Variants in IL2RA observed in about 807,000 individuals in gnomAD.
IL2RA encodes interleukin-2 receptor subunit alpha.
In IL2RA, 24 loss-of-function variants were observed where a neutral mutation model predicts 37.8. That is an observed-to-expected ratio of 0.63 (90% CI 0.46 to 0.89). The LOEUF (loss-of-function observed/expected upper bound fraction) is 0.89. IL2RA is among the 40% of genes least tolerant of loss of function. The probability of loss-of-function intolerance (pLI) is 0.00; values close to 1 mark genes in which losing one functional copy is unlikely to be tolerated. For synonymous variants in IL2RA, 125 were observed against 114.6 expected, an observed-to-expected ratio of 1.09 and a Z score of -0.58; for missense variants, 319 against 348.6, an observed-to-expected ratio of 0.92 and a Z score of 0.68.
chr10:6,052,673 T>C (rs994582473), intron 1 of IL2RA, among the ~76,000 whole-genome samples: 7 of 152,056 alleles, frequency 4.6e-5, no homozygotes, highest in African/African-American at 1.7e-4. Context: ...CACACACCTA[T>C]CCTAGCCTTT....
chr10:6,027,178 T>C (rs556934454), intron 1 of IL2RA, among the ~76,000 whole-genome samples: 16 of 152,142 alleles, frequency 1.1e-4, no homozygotes, highest in Admixed American at 4.6e-4. Context: ...ACAAAAAAAT[T>C]AGCCGGGCGT....
chr10:6,031,484 A>ATATATATATG (rs1554830121), intron 1 of IL2RA, among the ~76,000 whole-genome samples: 1 of 37,002 alleles, frequency 2.7e-5, no homozygotes, highest in African/African-American at 1.2e-4. Context: ...ATATATATAT[A>ATATATATATG]TATATATATG....
chr10:6,040,736 G>A (rs949915457), intron 1 of IL2RA, among the ~76,000 whole-genome samples: 2 of 151,982 alleles, frequency 1.3e-5, no homozygotes, highest in South Asian at 2.1e-4. Context: ...AAGAACCCTC[G>A]TTATTAGTGA....
rs373292483 is a variant in IL2RA at position 6,024,241 on chromosome 10, C to T, written c.367+3G>A. ...TTAGCTGGAGGACAGATTCATCTCT[C>T]ACCTGGAAGGCTCGCTTGGTCCACT... On this transcript the variant is annotated splice_donor_region_variant and intron_variant, in intron 3 of 7. Coordinates refer to ENST00000379959, the MANE Select transcript of IL2RA (RefSeq NM_000417.3). 12 of 1,599,856 alleles carry T rather than the reference C, an allele frequency of 7.5e-6. No individual in the cohort carries two copies. The African/African-American group carries it at 1.5e-4, about 20-fold the overall frequency.
At position 6,057,252 on chromosome 10, in the gene IL2RA, A is replaced by G. The variant is rs1027355179; in HGVS notation, c.64+4836T>C. ...TTGAGTGAGTGGAGTTTTTGCGTTG[A>G]CACCTGCAACTGCAGCAATTACAGA... is the stretch of plus-strand genomic sequence containing the variant. On this transcript the variant is annotated intron_variant, in intron 1 of 7. Coordinates refer to ENST00000379959, the MANE Select transcript of IL2RA (RefSeq NM_000417.3). This position sits in a 1 kb window ranked among gnomAD's most constrained non-coding sequence, Gnocchi z 4.8. 3.9e-5 allele frequency among the ~76,000 whole-genome samples: 6 copies of G among 152,326 alleles called. No homozygotes were observed. Among genetic ancestry groups the G allele is most frequent in the Non-Finnish European group, 7.4e-5 (5 of 68,020 alleles).
At chr10:6,061,827 A>G (rs971689958) in intron 1 of IL2RA, among the ~76,000 whole-genome samples, 1 of 152,216 alleles carries the variant, frequency 6.6e-6, no homozygotes, top group African/African-American at 2.4e-5. Flanking sequence ...CCCAAATATC[A>G]TGCCACACTA....
intron 1 of IL2RA, among the ~76,000 whole-genome samples, chr10:6,042,148 C>CAAGAAAAAAAAAAAAAAAAAAAAAAAAAA (rs1839781654): frequency 1.8e-5 from 1 of 54,132 alleles, no homozygotes; most frequent in Non-Finnish European, 3.1e-5. Context: ...ATGTATTAAG[C>CAAGAAAAAAAAAAAAAAAAAAAAAAAAAA]AAAAAAAAAA....
rs189997459 is a variant in IL2RA, at chr10:6,036,105, G to A, written c.65-10080C>T. 6.6e-6 allele frequency: 1 copy of A among 152,366 alleles called. No individual in the cohort carries two copies. Among genetic ancestry groups the A allele is most frequent in the Admixed American group, 6.5e-5 (1 of 15,310 alleles). 9.4% of individuals were successfully genotyped at this position (152,366 alleles called of 1,614,324 possible). On this transcript the variant is annotated intron_variant, in intron 1 of 7. Transcript: ENST00000379959. This position sits in a 1 kb window ranked among gnomAD's most constrained non-coding sequence, Gnocchi z 6.1. Reference sequence around the variant, plus strand: ...GTGCAGGTGAAGGGCCCTCGACAATGCTTCTCTTTGCATTGTGGGGTTTCC... The same window carrying A: ...GTGCAGGTGAAGGGCCCTCGACAATACTTCTCTTTGCATTGTGGGGTTTCC...
Position 6,054,399 on chromosome 10 carries a change from C to T in IL2RA, c.64+7689G>A, listed in dbSNP as rs1296188975. Among the ~76,000 whole-genome samples the T allele has an allele frequency of 3.3e-5, 5 of 152,108 alleles. No individual in the cohort carries two copies. Among genetic ancestry groups the T allele is most frequent in the African/African-American group, 4.8e-5 (2 of 41,406 alleles). On this transcript the variant is annotated intron_variant, in intron 1 of 7. Coordinates refer to ENST00000379959, the MANE Select transcript of IL2RA (RefSeq NM_000417.3). This position sits in a 1 kb window ranked among gnomAD's most constrained non-coding sequence, Gnocchi z 4.5. The stretch of plus-strand genomic sequence containing the variant: ...ATAAGTGATCAGTGACCCATTGAAC[C>T]GAGGACGTCTACCGGGGACCAATGA...
At position 6,062,249 on chromosome 10, in the gene IL2RA, G is replaced by T; in HGVS notation, c.-98C>A. On this transcript the variant is annotated 5_prime_UTR_variant, in exon 1 of 8. Coordinates refer to ENST00000379959, the MANE Select transcript of IL2RA (RefSeq NM_000417.3). ...GCCTCTTTTTGGCATCGCGCCGGAG[G>T]ATGTGGGATGGGAAGATCGGTCCGC... 2.0e-6 allele frequency: 2 copies of T among 1,014,768 alleles called. No homozygotes were observed. Among genetic ancestry groups the T allele is most frequent in the Non-Finnish European group, 3.1e-6 (2 of 644,132 alleles). 62.9% of individuals were successfully genotyped at this position (1,014,768 alleles called of 1,614,324 possible).
Position 6,047,289 on chromosome 10 carries a change from T to G in IL2RA, c.64+14799A>C, listed in dbSNP as rs868387209. Among the ~76,000 whole-genome samples, 7 of 152,284 alleles carry G rather than the reference T, an allele frequency of 4.6e-5. No homozygotes were observed. The highest frequency in any genetic ancestry group is 3.9e-4 in the Admixed American group (6 of 15,306). The stretch of plus-strand genomic sequence containing the variant: ...CCATGTGCACAGCACCTGATGCTGG[T>G]GGGGTCAGGAGTGTGGCCTGTGCCA... On this transcript the variant is annotated intron_variant, in intron 1 of 7. Coordinates refer to ENST00000379959, the MANE Select transcript of IL2RA (RefSeq NM_000417.3). This position sits in a 1 kb window ranked among gnomAD's most constrained non-coding sequence, Gnocchi z 5.0.
rs577684512 is a variant in IL2RA at position 6,043,380 on chromosome 10, T to C, written c.65-17355A>G. On this transcript the variant is annotated intron_variant, in intron 1 of 7. Transcript: ENST00000379959. Reference sequence around the variant, plus strand: ...ACTGGAGGGGAAGAATGAGATTGGGTTGGACCGAGAGGGAGCTCCACTGTA... The same window carrying C: ...ACTGGAGGGGAAGAATGAGATTGGGCTGGACCGAGAGGGAGCTCCACTGTA... 3.3e-5 allele frequency among the ~76,000 whole-genome samples: 5 copies of C among 152,260 alleles called. No individual in the cohort carries two copies. In the East Asian group the frequency reaches 9.6e-4, roughly 29 times the overall value.
rs938530029 is a variant in IL2RA, at chr10:6,029,711, AT to A, written c.65-3687del. ...CTCAGTAGATAAATGAAAACTTGTA[AT>A]TTTTTTTTTTGAGATGGAGTCTTGC... On this transcript the variant is annotated intron_variant, in intron 1 of 7. Transcript: ENST00000379959. This position sits in a 1 kb window ranked among gnomAD's most constrained non-coding sequence, Gnocchi z 4.6. Among the ~76,000 whole-genome samples, 515 of 148,062 alleles carry A rather than the reference AT, an allele frequency of 3.5e-3. 3 individuals carry two copies. The highest frequency in any genetic ancestry group is 0.012 in the African/African-American group (487 of 40,484).
Position 6,057,257 on chromosome 10 carries a change from T to C in IL2RA, c.64+4831A>G, listed in dbSNP as rs1840059891. ...TGAGTGGAGTTTTTGCGTTGACACC[T>C]GCAACTGCAGCAATTACAGAAGCAG... On this transcript the variant is annotated intron_variant, in intron 1 of 7. Coordinates refer to ENST00000379959, the MANE Select transcript of IL2RA (RefSeq NM_000417.3). This position sits in a 1 kb window ranked among gnomAD's most constrained non-coding sequence, Gnocchi z 4.8. Among the ~76,000 whole-genome samples, 1 of 152,198 alleles carries C rather than the reference T, an allele frequency of 6.6e-6. No individual in the cohort carries two copies. The highest frequency in any genetic ancestry group is 1.5e-5 in the Non-Finnish European group (1 of 68,026).
At chr10:6,013,621 C>T (rs1051691012) in intron 7 of IL2RA, among the ~76,000 whole-genome samples, 1 of 152,150 alleles carries the variant, frequency 6.6e-6, no homozygotes, top group Non-Finnish European at 1.5e-5. Context: ...TTCCAGCTGG[C>T]AATGTGACAT....
In IL2RA at chr10:6,028,376, G is replaced by A. The variant is rs1200969487; in HGVS notation, c.65-2351C>T. ...GCTGAGAGAAGAAGAGTTATGCTAA[G>A]TTTTATTTATAAAAACAGGTGTCTG... On this transcript the variant is annotated intron_variant, in intron 1 of 7. Coordinates refer to ENST00000379959, the MANE Select transcript of IL2RA (RefSeq NM_000417.3). This position sits in a 1 kb window ranked among gnomAD's most constrained non-coding sequence, Gnocchi z 4.1. 6.6e-6 allele frequency among the ~76,000 whole-genome samples: 1 copy of A among 152,186 alleles called. No homozygotes were observed. The highest frequency in any genetic ancestry group is 1.5e-5 in the Non-Finnish European group (1 of 68,030).
rs1839412317 is a variant in IL2RA, at chr10:6,022,919, C to T, written c.368-1226G>A. 6.6e-6 allele frequency among the ~76,000 whole-genome samples: 1 copy of T among 150,542 alleles called. No homozygotes were observed. The highest frequency in any genetic ancestry group is 2.4e-5 in the African/African-American group (1 of 41,230). On this transcript the variant is annotated intron_variant, in intron 3 of 7. Transcript: ENST00000379959. The surrounding 1 kb of genome is among the most constrained non-coding windows in gnomAD (Gnocchi z 4.7). ...ACAAATGTGCTTGGAAACACCATTC[C>T]AGGACAAAGTCGGAAGGGGAAGGAG...
At chr10:6,037,403 T>C (rs1198590659) in intron 1 of IL2RA, among the ~76,000 whole-genome samples, 4 of 152,034 alleles carry the variant, frequency 2.6e-5, no homozygotes, top group African/African-American at 9.7e-5. Flanking sequence ...TGAATCCAGG[T>C]GAAGTTGTTT....
chr10:6,019,972 G>A, intron 4 of IL2RA, 31 bp from the exon 5 acceptor site: 4 of 1,589,916 alleles, frequency 2.5e-6, no homozygotes, highest in Non-Finnish European at 3.5e-6. Flanking sequence ...TGCTGGTGGA[G>A]CTAAACACAG....
Sources: allele counts gnomAD v4.1 joint callset (sites outside exome capture counted in the v4.1 genomes callset), GRCh38; gene constraint gnomAD v4.1.1; non-coding constraint Gnocchi (gnomAD v3.1); transcripts MANE v1.5; gene names NCBI Gene and HGNC (gene_info 2026-07-23, HGNC 2026-07-21).